Variants in CDC42BPB observed in about 807,000 individuals in gnomAD.
CDC42BPB encodes CDC42 binding protein kinase beta.
CDC42BPB carries 37 observed loss-of-function variants against 214.9 expected under a neutral mutation model. That is an observed-to-expected ratio of 0.17 (90% CI 0.13 to 0.23). The LOEUF is 0.23. CDC42BPB is among the 10% of genes least tolerant of loss of function. The probability of loss-of-function intolerance (pLI) is 1.00; values close to 1 mark genes in which losing one functional copy is unlikely to be tolerated. For synonymous variants in CDC42BPB, 931 were observed against 884.0 expected (o/e 1.05, Z -0.94); for missense variants, 1,694 against 2,227.0 (o/e 0.76, Z 4.82).
At chr14:102,987,764 A>C (rs1290826366) in intron 5 of CDC42BPB, among the ~76,000 whole-genome samples, 6 of 148,434 alleles carry the variant, frequency 4.0e-5, no homozygotes, top group Non-Finnish European at 8.9e-5. Context: ...AAAAGAAAAC[A>C]AAACAAAATC....
At chr14:102,945,382 A>C (rs904472262) in intron 29 of CDC42BPB, 2 of 533,772 alleles carry the variant, frequency 3.7e-6, no homozygotes, top group African/African-American at 3.8e-5. Flanking sequence ...AAGCCTCAGC[A>C]CATGTGGGAA....
At chr14:103,041,054 G>C (rs1053700189) in intron 1 of CDC42BPB, among the ~76,000 whole-genome samples, 2 of 152,208 alleles carry the variant, frequency 1.3e-5, no homozygotes, top group South Asian at 2.1e-4. Context: ...AACCAAGACA[G>C]TGTGGTACTG....
chr14:103,057,050 T>C lies in CDC42BPB; in HGVS notation c.124A>G (p.Ser42Gly). The change falls in exon 1 of 37, where the codon AGC becomes GGC. Residue 42 changes from serine to glycine, a missense_variant. Ser to Gly is a moderately conservative substitution (Grantham distance 56). Around this residue, in one of 7 missense-constraint regions of CDC42BPB, gnomAD observed 83 missense variants for 79.9 expected, o/e 1.04. Transcript: ENST00000361246. Reference sequence around the variant, plus strand: ...TTGTCGCGGCGCAGGGCCGAGTGGCTGCACTCGGTGTACAGGCAGACGAGC... The same window carrying C: ...TTGTCGCGGCGCAGGGCCGAGTGGCCGCACTCGGTGTACAGGCAGACGAGC... ...DVLVCLYTEC[S>G]HSALRRDKYV... 2.0e-6 allele frequency: 3 copies of C among 1,519,818 alleles called. No individual in the cohort carries two copies. Among genetic ancestry groups the C allele is most frequent in the Non-Finnish European group, 2.6e-6 (3 of 1,138,978 alleles). 94.1% of individuals were successfully genotyped at this position (1,519,818 alleles called of 1,614,324 possible).
At chr14:102,979,836 G>A (rs945751293) in intron 8 of CDC42BPB, among the ~76,000 whole-genome samples, 6 of 152,180 alleles carry the variant, frequency 3.9e-5, no homozygotes, top group Non-Finnish European at 7.4e-5. Flanking sequence ...GTACTGGCTA[G>A]TGTGTCAAAG....
In CDC42BPB at chr14:102,972,069, C is replaced by A; in HGVS notation, c.1734G>T (p.Ser578=). The A allele has an allele frequency of 6.2e-7, 1 of 1,614,258 alleles. No homozygotes were observed. The highest frequency in any genetic ancestry group is 1.1e-5 in the South Asian group (1 of 91,092). Residue 578 remains serine (S), a synonymous_variant, in exon 13 of 37, where the codon TCG becomes TCT. Coordinates refer to ENST00000361246, the MANE Select transcript of CDC42BPB (RefSeq NM_006035.4). ...GCTCTGCCATGCGCTCGTTCAGCTC[C>A]GAGAACTCCTGCAGGGCCAGCTTTC... is the stretch of plus-strand genomic sequence containing the variant. ...QQRKLALQEF[S]ELNERMAELR...
intron 12 of CDC42BPB, 101 bp downstream of exon 12, chr14:102,973,915 G>A: frequency 7.1e-7 from 1 of 1,401,846 alleles, no homozygotes; most frequent in Non-Finnish European, 9.6e-7. Context: ...ACAGCCCATG[G>A]GCAGGAGTCC....
At chr14:102,994,070 A>C (rs887062950) in intron 5 of CDC42BPB, among the ~76,000 whole-genome samples, 12 of 152,232 alleles carry the variant, frequency 7.9e-5, no homozygotes, top group African/African-American at 2.9e-4. Context: ...AGGAAGACAC[A>C]GAAGAGAGTA....
intron 4 of CDC42BPB, 80 bp from the exon 5 acceptor site, chr14:102,999,793 G>T: frequency 6.4e-7 from 1 of 1,560,710 alleles, no homozygotes; most frequent in South Asian, 1.2e-5. Context: ...AGTCTTCCAT[G>T]GCGAGGTTCT....
At chr14:102,980,135 C>A in intron 8 of CDC42BPB, among the ~76,000 whole-genome samples, 1 of 152,178 alleles carries the variant, frequency 6.6e-6, no homozygotes, top group East Asian at 1.9e-4. Flanking sequence ...ACCTAAAAAA[C>A]CTAAAATGTG....
chr14:103,002,869 CATATAT>C (rs779327286), intron 4 of CDC42BPB, among the ~76,000 whole-genome samples: 1 of 152,150 alleles, frequency 6.6e-6, no homozygotes, highest in African/African-American at 2.4e-5. Flanking sequence ...TGGGCAAACA[CATATAT>C]ATAAAGTCTA....
chr14:102,985,925 T>C (rs533460468), intron 6 of CDC42BPB, among the ~76,000 whole-genome samples: 1 of 152,248 alleles, frequency 6.6e-6, no homozygotes, highest in African/African-American at 2.4e-5. Context: ...ACAGGGCCTG[T>C]GGCCTGAGCC....
chr14:102,936,638 A>C (rs1891658169), intron 36 of CDC42BPB, among the ~76,000 whole-genome samples: 1 of 152,146 alleles, frequency 6.6e-6, no homozygotes, highest in Non-Finnish European at 1.5e-5. Context: ...CAGGGGGTTT[A>C]TTTTGAAATG....
At chr14:102,959,497 C>A in intron 21 of CDC42BPB, 134 bp downstream of exon 21, 1 of 641,638 alleles carries the variant, frequency 1.6e-6, no homozygotes, top group Non-Finnish European at 2.7e-6. Flanking sequence ...ACACAGTTAG[C>A]ACAACGCTGA....
chr14:103,018,775 T>C (rs1304070577), intron 1 of CDC42BPB, among the ~76,000 whole-genome samples: 1 of 152,166 alleles, frequency 6.6e-6, no homozygotes, highest in Admixed American at 6.5e-5. Flanking sequence ...AATTGATTTT[T>C]CTTACAGGAC....
intron 1 of CDC42BPB, among the ~76,000 whole-genome samples, chr14:103,032,031 C>A (rs1042819310): frequency 6.6e-6 from 1 of 151,162 alleles, no homozygotes; most frequent in African/African-American, 2.4e-5. Context: ...CCCAGGGCAT[C>A]CTCACCCAGC....
chr14:103,046,053 G>A (rs746107287), intron 1 of CDC42BPB, among the ~76,000 whole-genome samples: 7 of 152,120 alleles, frequency 4.6e-5, no homozygotes, highest in Non-Finnish European at 8.8e-5. Flanking sequence ...CAGGGGCAAC[G>A]AGGCTGGGGA....
At chr14:103,031,688 G>T (rs1887385600) in intron 1 of CDC42BPB, among the ~76,000 whole-genome samples, 1 of 152,136 alleles carries the variant, frequency 6.6e-6, no homozygotes, top group South Asian at 2.1e-4. Context: ...AGCAGGAAGG[G>T]CCTGGGGCTC....
intron 26 of CDC42BPB, 200 bp from the exon 27 acceptor site, chr14:102,948,002 A>AG: frequency 2.0e-6 from 2 of 981,520 alleles, no homozygotes; most frequent in Non-Finnish European, 2.4e-6. Flanking sequence ...TTCAGGGCTT[A>AG]GGGATGCCGC....
Position 103,040,808 on chromosome 14 carries a change from G to T in CDC42BPB, c.175+16191C>A, listed in dbSNP as rs550979132. Among the ~76,000 whole-genome samples the T allele has an allele frequency of 2.6e-5, 4 of 152,248 alleles. No homozygotes were observed. In the East Asian group the frequency reaches 7.7e-4, roughly 29 times the overall value. On this transcript the variant is annotated intron_variant, in intron 1 of 36. Coordinates refer to ENST00000361246, the MANE Select transcript of CDC42BPB (RefSeq NM_006035.4). ...ATAAGTGGAAAGGCATCTTATGATC[G>T]TGGGACAAGAGACTTTAATACTGTT...
Sources: allele counts gnomAD v4.1 joint callset (sites outside exome capture counted in the v4.1 genomes callset), GRCh38; gene constraint gnomAD v4.1.1; regional missense constraint gnomAD v4.1.1; transcripts MANE v1.5; gene names NCBI Gene and HGNC (gene_info 2026-07-23, HGNC 2026-07-21).